The following DSCAML1 variants were observed in gnomAD, a reference collection of about 807,000 sequenced individuals.
DSCAML1 encodes DS cell adhesion molecule like 1, also known as cell adhesion molecule DSCAML1.
In DSCAML1, 38 loss-of-function variants were observed where a neutral mutation model predicts 200.5. That is an observed-to-expected ratio of 0.19 (90% CI 0.15 to 0.25). The LOEUF is 0.25. Among genes scored for constraint, DSCAML1 ranks in the 10% least tolerant of loss-of-function variants. The pLI is 1.00. For synonymous variants in DSCAML1, 1,215 were observed against 1,165.0 expected (o/e 1.04, Z -0.87); for missense variants, 2,223 against 2,858.8 (o/e 0.78, Z 5.07).
At chr11:117,433,535 GA>G in intron 27 of DSCAML1, 64 bp from the exon 28 acceptor site, 1 of 1,561,314 alleles carries the variant, frequency 6.4e-7, no homozygotes, top group Non-Finnish European at 8.7e-7. Context: ...ATGACAATGG[GA>G]GAGGCATGGG....
At chr11:117,502,022 A>ATG (rs2049404958) in intron 11 of DSCAML1, among the ~76,000 whole-genome samples, 1 of 152,190 alleles carries the variant, frequency 6.6e-6, no homozygotes, top group Non-Finnish European at 1.5e-5. Flanking sequence ...TTTGTGCAGC[A>ATG]TGTGTTCAGG....
intron 3 of DSCAML1, among the ~76,000 whole-genome samples, chr11:117,537,704 C>T (rs143367849): frequency 1.6e-3 from 245 of 152,264 alleles, no homozygotes; most frequent in African/African-American, 5.6e-3. Flanking sequence ...AAGAAGAGGG[C>T]GATCTGGACA....
chr11:117,696,135 C>T (rs1320852244), intron 3 of DSCAML1, among the ~76,000 whole-genome samples: 1 of 152,170 alleles, frequency 6.6e-6, no homozygotes, highest in Non-Finnish European at 1.5e-5. Context: ...GAGTAATCCC[C>T]AACTATGAAG....
chr11:117,638,315 AGTGTGTGTGTGTGTGTGTGTGT>A (rs59327038), intron 3 of DSCAML1, among the ~76,000 whole-genome samples: 250 of 135,218 alleles, frequency 1.8e-3, no homozygotes, highest in Non-Finnish European at 3.0e-3. Flanking sequence ...CAAGATAGCA[AGTGTGTGTGTGTGTGTGTGTGT>A]GTGTGTGTGT....
chr11:117,624,606 A>T (rs2052005401), intron 3 of DSCAML1, among the ~76,000 whole-genome samples: 1 of 152,004 alleles, frequency 6.6e-6, no homozygotes, highest in Non-Finnish European at 1.5e-5. Flanking sequence ...GTGGCCCCAG[A>T]TGAGAGCCTG....
chr11:117,649,039 A>G (rs946781286), intron 3 of DSCAML1, among the ~76,000 whole-genome samples: 8 of 131,542 alleles, frequency 6.1e-5, no homozygotes, highest in South Asian at 2.5e-4. Flanking sequence ...CTCTCCATAT[A>G]TATGTGTGTG....
intron 3 of DSCAML1, among the ~76,000 whole-genome samples, chr11:117,686,855 G>A (rs1195351851): frequency 6.6e-6 from 1 of 152,174 alleles, no homozygotes; most frequent in Non-Finnish European, 1.5e-5. Context: ...CGATGATGAT[G>A]ATGATGGTAA....
intron 3 of DSCAML1, among the ~76,000 whole-genome samples, chr11:117,630,427 C>T (rs1036356551): frequency 3.9e-5 from 6 of 152,086 alleles, no homozygotes; most frequent in African/African-American, 7.2e-5. Context: ...TGAGTTCTGC[C>T]ATTCCAGGGA....
At chr11:117,635,477 T>C (rs1015984770) in intron 3 of DSCAML1, among the ~76,000 whole-genome samples, 3 of 150,334 alleles carry the variant, frequency 2.0e-5, no homozygotes, top group Admixed American at 6.6e-5. Flanking sequence ...TGTGTGTGCG[T>C]GTGTGTTTAA....
At chr11:117,696,574 A>C (rs1436186061) in intron 3 of DSCAML1, among the ~76,000 whole-genome samples, 1 of 152,102 alleles carries the variant, frequency 6.6e-6, no homozygotes, top group Non-Finnish European at 1.5e-5. Context: ...TCTTCCCTGC[A>C]GGCCCCCCAG....
At chr11:117,671,856 A>T (rs1225522986) in intron 3 of DSCAML1, among the ~76,000 whole-genome samples, 1 of 152,138 alleles carries the variant, frequency 6.6e-6, no homozygotes, top group Non-Finnish European at 1.5e-5. Context: ...TCACGCCTGT[A>T]ATCCCAGCAC....
At chr11:117,575,068 G>A (rs536934035) in intron 3 of DSCAML1, among the ~76,000 whole-genome samples, 47 of 152,320 alleles carry the variant, frequency 3.1e-4, no homozygotes, top group African/African-American at 1.1e-3. Flanking sequence ...ATAGGCGCCT[G>A]TAATCCCAGC....
At position 117,790,741 on chromosome 11, in the gene DSCAML1, G is replaced by C. The variant is rs111430507; in HGVS notation, c.46+6293C>G. Among the ~76,000 whole-genome samples, 852 of 152,240 alleles carry C rather than the reference G, an allele frequency of 5.6e-3. 3 individuals carry two copies. Among genetic ancestry groups the C allele is most frequent in the African/African-American group, 0.019 (786 of 41,536 alleles). On this transcript the variant is annotated intron_variant, in intron 1 of 32. Transcript: ENST00000651296. ...TGCTCTGTAGGATAGCCAGGACGGG[G>C]GTAATTTTGCCCATTTTACAGATTA...
At chr11:117,456,096 G>A (rs2048363427) in intron 19 of DSCAML1, among the ~76,000 whole-genome samples, 1 of 152,218 alleles carries the variant, frequency 6.6e-6, no homozygotes, top group Admixed American at 6.5e-5. Context: ...GGATAAGTCT[G>A]TTGAGGGGGT....
intron 11 of DSCAML1, among the ~76,000 whole-genome samples, chr11:117,483,283 C>T (rs1183986800): frequency 6.6e-6 from 1 of 152,158 alleles, no homozygotes; most frequent in East Asian, 1.9e-4. Context: ...GAGACAGGGT[C>T]CTTGCCTCTG....
intron 3 of DSCAML1, among the ~76,000 whole-genome samples, chr11:117,554,682 C>T (rs2050527982): frequency 6.6e-6 from 1 of 152,102 alleles, no homozygotes; most frequent in Admixed American, 6.5e-5. Flanking sequence ...CGGCCTGGCA[C>T]AAACATTTTA....
intron 3 of DSCAML1, among the ~76,000 whole-genome samples, chr11:117,673,960 A>G (rs2053160869): frequency 6.6e-6 from 1 of 152,152 alleles, no homozygotes; most frequent in Admixed American, 6.5e-5. Flanking sequence ...TAAGAAATGG[A>G]TTCAATTAGA....
At chr11:117,594,970 G>A (rs989247515) in intron 3 of DSCAML1, among the ~76,000 whole-genome samples, 4 of 151,982 alleles carry the variant, frequency 2.6e-5, no homozygotes, top group East Asian at 1.9e-4. Context: ...CACCATTGCC[G>A]TTCTCTAACT....
At chr11:117,783,301 C>T (rs947705108) in intron 1 of DSCAML1, among the ~76,000 whole-genome samples, 1 of 152,138 alleles carries the variant, frequency 6.6e-6, no homozygotes, top group Non-Finnish European at 1.5e-5. Flanking sequence ...CATCACAGTA[C>T]AGAAAGACTC....
Sources: gnomAD v4.1 joint callset for allele counts (sites outside exome capture counted in the v4.1 genomes callset) on GRCh38, gnomAD v4.1.1 for gene constraint, MANE v1.5 for transcripts, NCBI Gene and HGNC (gene_info 2026-07-23, HGNC 2026-07-21) for gene names.